Variants in LYZL1 observed in about 807,000 individuals in gnomAD.
The protein encoded by LYZL1 is lysozyme-like protein 1.
In LYZL1, 16 loss-of-function variants were observed where a neutral mutation model predicts 17.9. That is an observed-to-expected ratio of 0.90 (90% CI 0.61 to 1.36). LYZL1 has a LOEUF of 1.36. LYZL1 is among the 40% of genes most tolerant of loss of function. The probability of loss-of-function intolerance (pLI) is 0.00; values close to 1 mark genes in which losing one functional copy is unlikely to be tolerated. For synonymous variants in LYZL1, 58 were observed against 71.8 expected (o/e 0.81, Z 0.97); for missense variants, 149 against 188.4 (o/e 0.79, Z 1.22).
At chr10:29,310,907 G>C (rs1266438694) in intron 4 of LYZL1, 83 bp from the exon 5 acceptor site, 1 of 1,607,418 alleles carries the variant, frequency 6.2e-7, no homozygotes, top group African/African-American at 1.3e-5. Context: ...GGCGATTTTG[G>C]TTAATTTCTG....
intron 3 of LYZL1, among the ~76,000 whole-genome samples, chr10:29,303,205 G>C (rs1835545121): frequency 6.6e-6 from 1 of 152,008 alleles, no homozygotes; most frequent in Admixed American, 6.6e-5. Context: ...TCTTCTTCTG[G>C]GTAGCTCCTG....
At chr10:29,308,451 C>T (rs552513824) in intron 3 of LYZL1, among the ~76,000 whole-genome samples, 1 of 151,986 alleles carries the variant, frequency 6.6e-6, no homozygotes, top group South Asian at 2.1e-4. Flanking sequence ...GGTGTGGATC[C>T]CTGAGGAATA....
intron 3 of LYZL1, among the ~76,000 whole-genome samples, chr10:29,300,639 T>A (rs1355218402): frequency 6.6e-6 from 1 of 152,230 alleles, no homozygotes; most frequent in African/African-American, 2.4e-5. Flanking sequence ...CGATATCACT[T>A]TCCTTCAGCT....
At chr10:29,306,420 G>C (rs1218379603) in intron 3 of LYZL1, among the ~76,000 whole-genome samples, 1 of 145,804 alleles carries the variant, frequency 6.9e-6, no homozygotes, top group Non-Finnish European at 1.5e-5. Context: ...CGTAGTGGCG[G>C]GCGCCTGTAG....
At chr10:29,314,536 C>G (rs1441391169), downstream of LYZL1, among the ~76,000 whole-genome samples, 1 of 152,024 alleles carries the variant, frequency 6.6e-6, no homozygotes, top group Non-Finnish European at 1.5e-5. Flanking sequence ...ATCGCTTGAG[C>G]CCAGGAGTTT....
At chr10:29,294,065 G>A (rs1835414444) in intron 3 of LYZL1, among the ~76,000 whole-genome samples, 1 of 152,088 alleles carries the variant, frequency 6.6e-6, no homozygotes, top group Admixed American at 6.5e-5. Context: ...GGAAGATTTG[G>A]GTAGAGATAG....
chr10:29,297,140 T>G (rs1835457474), intron 3 of LYZL1, among the ~76,000 whole-genome samples: 1 of 146,654 alleles, frequency 6.8e-6, no homozygotes, highest in Non-Finnish European at 1.5e-5. Flanking sequence ...ATAAAGAACC[T>G]TTGGAAATTA....
chr10:29,296,068 A>C (rs1179250822), intron 3 of LYZL1, among the ~76,000 whole-genome samples: 1 of 152,188 alleles, frequency 6.6e-6, no homozygotes, highest in Non-Finnish European at 1.5e-5. Flanking sequence ...GAAATTTTGC[A>C]GTGTTCAAGC....
intron 3 of LYZL1, among the ~76,000 whole-genome samples, chr10:29,294,197 A>G (rs1319925823): frequency 1.3e-5 from 2 of 152,072 alleles, no homozygotes; most frequent in African/African-American, 4.8e-5. Flanking sequence ...CATGAAGAGA[A>G]TCCCAGGGAA....
In LYZL1 at chr10:29,289,076, G is replaced by A. The variant is rs367790264; in HGVS notation, c.-180G>A. ...AAAGAAATGTTCTTGAGCTAGGAAA[G>A]GATTACTCGCGCCTCGTTAGAATCA... On this transcript the variant is annotated 5_prime_UTR_variant, in exon 1 of 5. Coordinates refer to ENST00000649382, the MANE Select transcript of LYZL1 (RefSeq NM_032517.6). 8 of 1,511,204 alleles carry A rather than the reference G, an allele frequency of 5.3e-6. No individual in the cohort carries two copies. Among genetic ancestry groups the A allele is most frequent in the African/African-American group, 4.2e-5 (3 of 71,980 alleles). 93.6% of individuals were successfully genotyped at this position (1,511,204 alleles called of 1,614,324 possible). A position where few individuals can be genotyped will look rare whatever the true frequency, so the allele number is the denominator to read the frequency against.
chr10:29,310,674 G>T (rs1835659015), intron 4 of LYZL1, among the ~76,000 whole-genome samples: 1 of 152,216 alleles, frequency 6.6e-6, no homozygotes, highest in Non-Finnish European at 1.5e-5. Flanking sequence ...TGCATTCGCT[G>T]CTGCTGTGTT....
chr10:29,296,460 T>A (rs1835447652), intron 3 of LYZL1, among the ~76,000 whole-genome samples: 1 of 151,720 alleles, frequency 6.6e-6, no homozygotes. Flanking sequence ...ACTTAAGGAG[T>A]AGTTAGAACA....
At chr10:29,309,006 G>GACTTAAA (rs1262650159) in intron 3 of LYZL1, among the ~76,000 whole-genome samples, 1 of 151,448 alleles carries the variant, frequency 6.6e-6, no homozygotes, top group Non-Finnish European at 1.5e-5. Context: ...AGACGTATTT[G>GACTTAAA]ACTTAAAACT....
At chr10:29,315,467 C>T (rs2132843318), downstream of LYZL1, among the ~76,000 whole-genome samples, 1 of 152,092 alleles carries the variant, frequency 6.6e-6, no homozygotes, top group African/African-American at 2.4e-5. Context: ...GCCGAGATTG[C>T]ATCACTGCAC....
At chr10:29,306,553 A>C (rs1835595514) in intron 3 of LYZL1, among the ~76,000 whole-genome samples, 1 of 90,360 alleles carries the variant, frequency 1.1e-5, no homozygotes, top group Non-Finnish European at 2.2e-5. Context: ...CCGTCTCAAA[A>C]AAAAAAAAAA....
At chr10:29,312,409 C>T (rs1246127207), downstream of LYZL1, among the ~76,000 whole-genome samples, 2 of 151,490 alleles carry the variant, frequency 1.3e-5, no homozygotes, top group African/African-American at 2.4e-5. Flanking sequence ...CTTTTTAGCT[C>T]ATCAGCTATT....
chr10:29,294,378 G>A (rs998956069), intron 3 of LYZL1, among the ~76,000 whole-genome samples: 7 of 152,168 alleles, frequency 4.6e-5, no homozygotes, highest in Non-Finnish European at 7.3e-5. Context: ...GACCATTTAA[G>A]TGTCACCACA....
intron 3 of LYZL1, among the ~76,000 whole-genome samples, chr10:29,297,946 T>C (rs1200713425): frequency 1.3e-5 from 2 of 152,196 alleles, no homozygotes; most frequent in Non-Finnish European, 1.5e-5. Context: ...TTCAAAATTC[T>C]TAGGGAAAAC....
intron 1 of LYZL1, 143 bp downstream of exon 1, chr10:29,289,373 C>A: frequency 1.8e-6 from 1 of 544,364 alleles, no homozygotes; most frequent in South Asian, 4.9e-5. Context: ...GGATGGAAAC[C>A]AACTCTATTT....
Sources: gnomAD v4.1 joint callset for allele counts (sites outside exome capture counted in the v4.1 genomes callset) on GRCh38, gnomAD v4.1.1 for gene constraint, MANE v1.5 for transcripts, NCBI Gene and HGNC (gene_info 2026-07-23, HGNC 2026-07-21) for gene names.